Variants in KCTD1 observed in about 807,000 individuals in gnomAD.
KCTD1 encodes the protein BTB/POZ domain-containing protein KCTD1.
In KCTD1, 24 loss-of-function variants were observed where a neutral mutation model predicts 66.0. The ratio of observed to expected loss-of-function variants is 0.36; its 90% confidence interval spans 0.26 to 0.51. The LOEUF (loss-of-function observed/expected upper bound fraction) is 0.51, where lower values mean the gene tolerates loss of function less well. Ranked by LOEUF, KCTD1 falls within the 20% of genes least tolerant of loss-of-function variation. The pLI, the probability that KCTD1 is intolerant of heterozygous loss-of-function variation, is 0.95. For synonymous variants in KCTD1, 511 were observed against 517.2 expected, an observed-to-expected ratio of 0.99 and a Z score of 0.16; for missense variants, 943 against 1,205.2, an observed-to-expected ratio of 0.78 and a Z score of 3.22.
At chr18:26,623,360 A>C (rs1987430519) in intron 1 of KCTD1, among the ~76,000 whole-genome samples, 1 of 152,084 alleles carries the variant, frequency 6.6e-6, no homozygotes, top group African/African-American at 2.4e-5. Context: ...TCCCCACCCA[A>C]ATCTCATCTT....
intron 2 of KCTD1, among the ~76,000 whole-genome samples, chr18:26,495,613 G>C (rs945225171): frequency 6.6e-6 from 1 of 151,902 alleles, no homozygotes; most frequent in African/African-American, 2.4e-5. Flanking sequence ...ATTTAGAAGA[G>C]ACCAATTTAA....
At position 26,483,265 on chromosome 18, in the gene KCTD1, C is replaced by T. The variant is rs531462228; in HGVS notation, c.1989-6606G>A. Among the ~76,000 whole-genome samples the T allele has an allele frequency of 2.6e-3, 389 of 152,174 alleles. 1 individual carries two copies. Among genetic ancestry groups the T allele is most frequent in the African/African-American group, 7.1e-3 (293 of 41,526 alleles). On this transcript the variant is annotated intron_variant, in intron 2 of 4. Transcript: ENST00000580059. ...TCTGATTTAAAGAGTATTTTTCTTT[C>T]TTTTCTTTTTTCTTTTTGTTTGAGA...
chr18:26,646,030 T>C (rs1987921398), intron 1 of KCTD1, among the ~76,000 whole-genome samples: 1 of 152,250 alleles, frequency 6.6e-6, no homozygotes, highest in African/African-American at 2.4e-5. Flanking sequence ...TCTTTCATAT[T>C]AATGCTGAAG....
chr18:26,455,712 GT>G lies in KCTD1; in HGVS notation c.*30del. The G allele has an allele frequency of 6.2e-7, 1 of 1,613,726 alleles. No individual in the cohort carries two copies. Among genetic ancestry groups the G allele is most frequent in the Non-Finnish European group, 8.5e-7 (1 of 1,179,908 alleles). On this transcript the variant is annotated 3_prime_UTR_variant, in exon 5 of 5. Transcript: ENST00000580059. The stretch of plus-strand genomic sequence containing the variant: ...TTTGTTTGAGTTATTGGTTGTGTGT[GT>G]TTTCCTTTTTGCATAAGAAATATGT...
At chr18:26,504,993 C>T (rs1204464248) in intron 1 of KCTD1, among the ~76,000 whole-genome samples, 2 of 152,254 alleles carry the variant, frequency 1.3e-5, no homozygotes, top group Non-Finnish European at 2.9e-5. Context: ...TCCTCGCTGA[C>T]ATTGTTGACA....
At chr18:26,538,629 C>T (rs1172365413) in intron 1 of KCTD1, among the ~76,000 whole-genome samples, 1 of 152,176 alleles carries the variant, frequency 6.6e-6, no homozygotes, top group Non-Finnish European at 1.5e-5. Context: ...TGCATTTGTT[C>T]AAATGTAAAG....
At chr18:26,514,642 G>A (rs1231677315) in intron 1 of KCTD1, among the ~76,000 whole-genome samples, 1 of 152,080 alleles carries the variant, frequency 6.6e-6, no homozygotes, top group East Asian at 1.9e-4. Flanking sequence ...CATGTGTCCT[G>A]TTGATAGGCA....
intron 1 of KCTD1, among the ~76,000 whole-genome samples, chr18:26,538,104 G>A (rs1161862138): frequency 5.9e-5 from 9 of 152,026 alleles, no homozygotes; most frequent in Non-Finnish European, 7.4e-5. Flanking sequence ...AAAATTAGCC[G>A]GGCATGGTGG....
chr18:26,623,110 C>T (rs1987424408), intron 1 of KCTD1, among the ~76,000 whole-genome samples: 1 of 152,100 alleles, frequency 6.6e-6, no homozygotes, highest in African/African-American at 2.4e-5. Flanking sequence ...CTCTTCATTG[C>T]CTCTCCTGGC....
intron 2 of KCTD1, among the ~76,000 whole-genome samples, chr18:26,485,695 G>A (rs1183420688): frequency 2.0e-5 from 3 of 152,024 alleles, no homozygotes; most frequent in African/African-American, 4.8e-5. Flanking sequence ...ATTTGGGCAG[G>A]CAAGCATGAG....
chr18:26,485,101 T>C (rs894445956), intron 2 of KCTD1, among the ~76,000 whole-genome samples: 2 of 152,208 alleles, frequency 1.3e-5, no homozygotes, highest in Non-Finnish European at 2.9e-5. Flanking sequence ...CCTTGAGTTT[T>C]GATTTCTTCA....
chr18:26,536,000 T>G (rs927653134), intron 1 of KCTD1, among the ~76,000 whole-genome samples: 15 of 150,078 alleles, frequency 1.0e-4, no homozygotes, highest in Non-Finnish European at 2.2e-4. Flanking sequence ...AGATTTTTTT[T>G]CCTGTGTCCC....
At chr18:26,580,747 A>C (rs1427230760) in intron 1 of KCTD1, among the ~76,000 whole-genome samples, 1 of 152,210 alleles carries the variant, frequency 6.6e-6, no homozygotes. Flanking sequence ...TGGGCTAAGG[A>C]TGTATTATAT....
chr18:26,567,472 T>G (rs1986007208), intron 1 of KCTD1, among the ~76,000 whole-genome samples: 1 of 137,234 alleles, frequency 7.3e-6, no homozygotes, highest in Admixed American at 8.3e-5. Context: ...AGAAATGCTG[T>G]TGTTCTGTTG....
intron 3 of KCTD1, among the ~76,000 whole-genome samples, chr18:26,475,744 C>T (rs1318282358): frequency 1.3e-5 from 2 of 152,052 alleles, no homozygotes; most frequent in African/African-American, 2.4e-5. Context: ...CCCAGCTACT[C>T]GGGAGGCTGA....
chr18:26,549,721 A>ACTCT (rs1985472304), upstream of KCTD1: 1 of 985,148 alleles, frequency 1.0e-6, no homozygotes, highest in African/African-American at 1.7e-5. Flanking sequence ...TCCGGAGCGC[A>ACTCT]CTCTCACTCA....
At chr18:26,580,691 A>G (rs1986332054) in intron 1 of KCTD1, among the ~76,000 whole-genome samples, 1 of 152,198 alleles carries the variant, frequency 6.6e-6, no homozygotes, top group Non-Finnish European at 1.5e-5. Flanking sequence ...TCAGCGTACC[A>G]TGGCCTGCAG....
At chr18:26,477,075 G>C (rs866191530) in intron 2 of KCTD1, among the ~76,000 whole-genome samples, 1 of 152,206 alleles carries the variant, frequency 6.6e-6, no homozygotes, top group African/African-American at 2.4e-5. Context: ...ATCGTTTTCT[G>C]AGTTTTCCCC....
chr18:26,632,931 G>A (rs1371965044), upstream of KCTD1, among the ~76,000 whole-genome samples: 4 of 152,086 alleles, frequency 2.6e-5, no homozygotes, highest in African/African-American at 4.8e-5. Flanking sequence ...AACAGTCTTG[G>A]GAGGGGGTAA....
Sources: gnomAD v4.1 joint callset for allele counts (sites outside exome capture counted in the v4.1 genomes callset) on GRCh38, gnomAD v4.1.1 for gene constraint, MANE v1.5 for transcripts, NCBI Gene and HGNC (gene_info 2026-07-23, HGNC 2026-07-21) for gene names.